Variants in LOXL2 observed in about 807,000 individuals in gnomAD.
The protein encoded by LOXL2 is lysyl oxidase like 2.
LOXL2 carries 70 observed loss-of-function variants against 93.0 expected under a neutral mutation model. The observed-to-expected ratio is 0.75, with a 90% CI of 0.62 to 0.92. The LOEUF (loss-of-function observed/expected upper bound fraction) is 0.92, where lower values mean the gene tolerates loss of function less well. Among genes scored for constraint, LOXL2 ranks in the 40% least tolerant of loss-of-function variants. The probability of loss-of-function intolerance (pLI) is 0.00; values close to 1 mark genes in which losing one functional copy is unlikely to be tolerated. For missense variants in LOXL2, 973 were observed against 1,054.9 expected (o/e 0.92, Z 1.08); for synonymous variants, 438 against 413.2 (o/e 1.06, Z -0.73).
At chr8:23,348,257 G>T (rs1804025992) in intron 3 of LOXL2, among the ~76,000 whole-genome samples, 2 of 135,512 alleles carry the variant, frequency 1.5e-5, no homozygotes, top group Non-Finnish European at 1.6e-5. Flanking sequence ...GGCCTGTCGT[G>T]GGGTGGGGGG....
chr8:23,307,953 G>GGGAAAAAAAAA lies in LOXL2; in HGVS notation c.1880+1714_1880+1715insTTTTTTTTTCC, dbSNP rs58347035. 1.1e-4 allele frequency among the ~76,000 whole-genome samples: 9 copies of GGGAAAAAAAAA among 83,522 alleles called. 1 individual carries two copies. Among genetic ancestry groups the GGGAAAAAAAAA allele is most frequent in the African/African-American group, 2.8e-4 (6 of 21,090 alleles). 54.8% of individuals were successfully genotyped at this position (83,522 alleles called of 152,430 possible). On this transcript the variant is annotated intron_variant, in intron 10 of 13. Transcript: ENST00000389131. ...GTGACTAGGTCATCAGCTGCGATAT[G>GGGAAAAAAAAA]AAAAAAAAAAAAAAAAAAAAGCCAA...
At chr8:23,318,462 A>ACACACACACAC (rs1563188784) in intron 8 of LOXL2, among the ~76,000 whole-genome samples, 72 of 108,344 alleles carry the variant, frequency 6.6e-4, no homozygotes, top group African/African-American at 3.3e-3. Context: ...CACACACACA[A>ACACACACACAC]AAATACACAT....
At chr8:23,330,034 A>T (rs1313623034) in intron 5 of LOXL2, among the ~76,000 whole-genome samples, 1 of 152,076 alleles carries the variant, frequency 6.6e-6, no homozygotes, top group Non-Finnish European at 1.5e-5. Context: ...TTAAAAAAAA[A>T]CCCAAACAGG....
chr8:23,332,364 C>G, intron 5 of LOXL2, among the ~76,000 whole-genome samples: 1 of 132,454 alleles, frequency 7.5e-6, no homozygotes, highest in Non-Finnish European at 1.6e-5. Flanking sequence ...CATACACACC[C>G]ACACACACCC....
At chr8:23,346,931 G>A (rs1397794417) in intron 3 of LOXL2, among the ~76,000 whole-genome samples, 1 of 152,196 alleles carries the variant, frequency 6.6e-6, no homozygotes, top group Non-Finnish European at 1.5e-5. Flanking sequence ...ACTCTAGCCA[G>A]CCTCTGCTCA....
chr8:23,323,695 ATT>A lies in LOXL2; in HGVS notation c.1151-1416_1151-1415del, dbSNP rs150356426. On this transcript the variant is annotated intron_variant, in intron 6 of 13. Transcript: ENST00000389131. The stretch of plus-strand genomic sequence containing the variant: ...ATAATATGTGTTTTGCCAGATCGGG[ATT>A]TTTTTTTTGGGGGGGTGGGGGTGGG... Among the ~76,000 whole-genome samples, 451 of 135,704 alleles carry A rather than the reference ATT, an allele frequency of 3.3e-3. 5 individuals carry two copies. The highest frequency in any genetic ancestry group is 0.011 in the African/African-American group (373 of 34,530). 89.0% of individuals were successfully genotyped at this position (135,704 alleles called of 152,430 possible).
At chr8:23,328,280 G>C in intron 6 of LOXL2, 102 bp downstream of exon 6, 1 of 1,281,058 alleles carries the variant, frequency 7.8e-7, no homozygotes, top group East Asian at 2.3e-5. Flanking sequence ...AGGGAGGAGG[G>C]AAAGTGAGGA....
chr8:23,394,034 C>T (rs1800054888), intron 1 of LOXL2, among the ~76,000 whole-genome samples: 1 of 152,130 alleles, frequency 6.6e-6, no homozygotes, highest in African/African-American at 2.4e-5. Context: ...ATTTGTAAAT[C>T]ATATATCTGC....
At chr8:23,356,217 C>G (rs1441466304) in intron 3 of LOXL2, among the ~76,000 whole-genome samples, 1 of 152,216 alleles carries the variant, frequency 6.6e-6, no homozygotes, top group African/African-American at 2.4e-5. Context: ...CAGAGACCAT[C>G]CACTCTGTTT....
intron 3 of LOXL2, among the ~76,000 whole-genome samples, chr8:23,348,480 AT>A (rs1179486391): frequency 3.9e-5 from 6 of 152,216 alleles, no homozygotes; most frequent in South Asian, 4.1e-4. Context: ...AGGTGGGAGA[AT>A]CACTTGAGCC....
At chr8:23,355,133 C>T (rs1289108495) in intron 3 of LOXL2, among the ~76,000 whole-genome samples, 5 of 151,298 alleles carry the variant, frequency 3.3e-5, no homozygotes, top group Middle Eastern at 3.4e-3. Flanking sequence ...TTAGTAGAGA[C>T]GGGGTTTCAC....
At chr8:23,361,068 T>A (rs1444696678) in intron 2 of LOXL2, among the ~76,000 whole-genome samples, 2 of 152,004 alleles carry the variant, frequency 1.3e-5, no homozygotes, top group African/African-American at 4.8e-5. Flanking sequence ...CCCTGGCTAA[T>A]TTTTTGTATT....
intron 5 of LOXL2, among the ~76,000 whole-genome samples, chr8:23,332,431 C>T (rs1803703960): frequency 7.1e-6 from 1 of 141,310 alleles, no homozygotes; most frequent in South Asian, 2.3e-4. Flanking sequence ...CCCACAAACA[C>T]ACCCCACACA....
At chr8:23,390,175 C>A (rs73671445) in intron 1 of LOXL2, among the ~76,000 whole-genome samples, 1 of 152,110 alleles carries the variant, frequency 6.6e-6, no homozygotes, top group African/African-American at 2.4e-5. Context: ...CATTCATGGC[C>A]CAGAGCACAC....
At chr8:23,382,893 A>C (rs1334162208) in intron 1 of LOXL2, among the ~76,000 whole-genome samples, 1 of 152,080 alleles carries the variant, frequency 6.6e-6, no homozygotes, top group African/African-American at 2.4e-5. Context: ...CATCTGTTGG[A>C]GGTGACTGTA....
At chr8:23,332,268 AC>A (rs1348686958) in intron 5 of LOXL2, among the ~76,000 whole-genome samples, 2 of 23,782 alleles carry the variant, frequency 8.4e-5, no homozygotes, top group East Asian at 2.5e-3. Flanking sequence ...CACCACCCAC[AC>A]ATACACACAA....
At chr8:23,355,091 CGT>C (rs1425395732) in intron 3 of LOXL2, among the ~76,000 whole-genome samples, 1 of 150,812 alleles carries the variant, frequency 6.6e-6, no homozygotes, top group African/African-American at 2.4e-5. Flanking sequence ...GGATTACAGG[CGT>C]CTGCCACCAT....
At chr8:23,353,957 A>AT (rs1049647268) in intron 3 of LOXL2, among the ~76,000 whole-genome samples, 2 of 151,928 alleles carry the variant, frequency 1.3e-5, no homozygotes, top group African/African-American at 4.8e-5. Flanking sequence ...AGAAGGTGTG[A>AT]TTTTTTTTCC....
chr8:23,333,756 T>C, intron 4 of LOXL2, 133 bp from the exon 5 acceptor site: 1 of 688,560 alleles, frequency 1.5e-6, no homozygotes, highest in Non-Finnish European at 2.4e-6. Context: ...GGGTCCCAGC[T>C]CAGTCCATTC....
Sources: allele counts gnomAD v4.1 joint callset (sites outside exome capture counted in the v4.1 genomes callset), GRCh38; gene constraint gnomAD v4.1.1; transcripts MANE v1.5; gene names NCBI Gene and HGNC (gene_info 2026-07-23, HGNC 2026-07-21).